The following TRMT9B variants were observed in gnomAD, a reference collection of about 807,000 sequenced individuals.
TRMT9B encodes probable tRNA methyltransferase 9B.
In TRMT9B, 16 loss-of-function variants were observed where a neutral mutation model predicts 11.5. That is an observed-to-expected ratio of 1.39 (90% CI 0.94 to 2.11). TRMT9B has a LOEUF of 2.11. Ranked by LOEUF, TRMT9B falls within the 30% of genes most tolerant of loss-of-function variation. The pLI, the probability that TRMT9B is intolerant of heterozygous loss-of-function variation, is 0.00. For synonymous variants in TRMT9B, 274 were observed against 192.4 expected, an observed-to-expected ratio of 1.42 and a Z score of -3.51; for missense variants, 941 against 553.8, an observed-to-expected ratio of 1.70 and a Z score of -7.02.
chr8:12,959,879 G>A (rs1276408416), intron 1 of TRMT9B: 2 of 152,066 alleles, frequency 1.3e-5, no homozygotes, highest in Non-Finnish European at 2.9e-5. Flanking sequence ...CTCTTGATTT[G>A]GAAGCTGAGA....
intron 1 of TRMT9B, among the ~76,000 whole-genome samples, chr8:12,947,361 C>G (rs1321882284): frequency 2.0e-5 from 3 of 152,296 alleles, no homozygotes; most frequent in Non-Finnish European, 4.4e-5. Context: ...TCATGCTAAA[C>G]TAGCTAAAAC....
chr8:12,978,769 C>T (rs1804868724), intron 1 of TRMT9B, among the ~76,000 whole-genome samples: 1 of 152,224 alleles, frequency 6.6e-6, no homozygotes, highest in African/African-American at 2.4e-5. Flanking sequence ...TTTGATTTGA[C>T]AGATGAGCAA....
intron 2 of TRMT9B, among the ~76,000 whole-genome samples, chr8:12,996,608 A>G (rs1053862755): frequency 6.6e-6 from 1 of 152,338 alleles, no homozygotes; most frequent in Middle Eastern, 3.4e-3. Context: ...TGGGAATGGC[A>G]GAACACAGAT....
At chr8:12,990,808 T>G (rs948561555) in intron 1 of TRMT9B, 26 bp from the exon 2 acceptor site, 1 of 1,273,742 alleles carries the variant, frequency 7.9e-7, no homozygotes. Context: ...TGAAATGACA[T>G]TTAGTATTTG....
intron 2 of TRMT9B, among the ~76,000 whole-genome samples, chr8:12,993,655 T>G (rs1382642276): frequency 5.9e-5 from 9 of 152,198 alleles, no homozygotes; most frequent in Non-Finnish European, 1.5e-5. Context: ...TAGGCTGGCA[T>G]TCCAATAGCA....
intron 1 of TRMT9B, among the ~76,000 whole-genome samples, chr8:12,972,354 G>T (rs1025449453): frequency 6.6e-6 from 1 of 152,330 alleles, no homozygotes. Context: ...TCCCTGAGGA[G>T]TTGGGAGGCA....
intron 4 of TRMT9B, among the ~76,000 whole-genome samples, chr8:13,018,583 T>A (rs1813241196): frequency 6.6e-6 from 1 of 152,140 alleles, no homozygotes; most frequent in South Asian, 2.1e-4. Flanking sequence ...TCATGTTCTA[T>A]AAAGTCTCTG....
chr8:12,984,991 T>A (rs201417746), intron 1 of TRMT9B, among the ~76,000 whole-genome samples: 9 of 133,672 alleles, frequency 6.7e-5, no homozygotes, highest in South Asian at 5.2e-4. Context: ...ACACACACTC[T>A]CTCTCTCACA....
At chr8:13,007,604 T>G (rs1402719052) in intron 3 of TRMT9B, 1 of 152,176 alleles carries the variant, frequency 6.6e-6, no homozygotes, top group Non-Finnish European at 1.5e-5. Flanking sequence ...ACATGGAAAT[T>G]GGGAGTCTTT....
chr8:13,006,345 TCGCTGACATAGGTAACCAGGCAGCCTC>T lies in TRMT9B; in HGVS notation c.144_154+16del. ...CAAGAGCAGAAGCCAGGCAGCCTCATCGCTGACATAGGTAACCAGGCAGCCTCATCGCTGACATAGGTAACCAGGCAG... is the reference window on the plus strand; with the variant it reads ...CAAGAGCAGAAGCCAGGCAGCCTCATATCGCTGACATAGGTAACCAGGCAG... On this transcript the variant is annotated splice_donor_variant and splice_donor_5th_base_variant and coding_sequence_variant and intron_variant, in exon 3 of 5. Coordinates refer to ENST00000524591, the MANE Select transcript of TRMT9B (RefSeq NM_020844.3). LOFTEE classifies it high-confidence loss of function. The T allele has an allele frequency of 2.5e-6, 4 of 1,599,138 alleles. No individual in the cohort carries two copies. Among genetic ancestry groups the T allele is most frequent in the Middle Eastern group, 2.0e-4 (1 of 5,086 alleles).
At chr8:13,006,754 C>T (rs761983555) in intron 3 of TRMT9B, 18 of 805,848 alleles carry the variant, frequency 2.2e-5, no homozygotes, top group Admixed American at 1.3e-4. Context: ...CTGCAAACTC[C>T]GCCTCCCAGG....
intron 4 of TRMT9B, among the ~76,000 whole-genome samples, chr8:13,017,580 A>G (rs527734632): frequency 6.6e-6 from 1 of 150,844 alleles, no homozygotes; most frequent in Non-Finnish European, 1.5e-5. Flanking sequence ...CATGTCTAAT[A>G]CATTTAATAT....
rs1006177273 is a variant in TRMT9B at position 12,990,214 on chromosome 8, A to C, written c.-199-620A>C. Reference sequence around the variant, plus strand: ...CCATTCACCCCACTTGCAGACAAGCAATTAGGGTCCAAGGTGTTATAGGAT... The same window carrying C: ...CCATTCACCCCACTTGCAGACAAGCCATTAGGGTCCAAGGTGTTATAGGAT... On this transcript the variant is annotated intron_variant, in intron 1 of 4. Transcript: ENST00000524591. Among the ~76,000 whole-genome samples the C allele has an allele frequency of 8.5e-5, 13 of 152,208 alleles. No individual in the cohort carries two copies. The East Asian group carries it at 2.3e-3, about 27-fold the overall frequency.
intron 1 of TRMT9B, among the ~76,000 whole-genome samples, chr8:12,970,551 C>T (rs371395776): frequency 5.9e-5 from 9 of 152,208 alleles, no homozygotes; most frequent in African/African-American, 1.9e-4. Context: ...AGATTTACAT[C>T]AGTGAAAGAG....
rs143347601 is a variant in TRMT9B at position 12,992,281 on chromosome 8, A to G, written c.-2+1250A>G. ...TCCAAAAACTTATAATCTATTTGGG[A>G]ACATATACAGAGTTGAGAGTTCATG... On this transcript the variant is annotated intron_variant, in intron 2 of 4. Coordinates refer to ENST00000524591, the MANE Select transcript of TRMT9B (RefSeq NM_020844.3). 7.7e-4 allele frequency among the ~76,000 whole-genome samples: 118 copies of G among 152,300 alleles called. 2 individuals carry two copies. The highest frequency in any genetic ancestry group is 2.6e-3 in the African/African-American group (109 of 41,574).
chr8:13,000,748 C>T (rs750616878), intron 2 of TRMT9B, among the ~76,000 whole-genome samples: 18 of 152,058 alleles, frequency 1.2e-4, no homozygotes, highest in African/African-American at 3.9e-4. Context: ...CATCCTTGCA[C>T]GCTAGTTATT....
intron 1 of TRMT9B, among the ~76,000 whole-genome samples, chr8:12,957,730 G>A (rs73204876): frequency 0.02 from 3,086 of 152,248 alleles, 52 homozygotes; most frequent in Non-Finnish European, 0.031. Context: ...TAGCTTGATT[G>A]CATTAACTGC....
intron 1 of TRMT9B, among the ~76,000 whole-genome samples, chr8:12,985,597 G>GACC (rs1417294953): frequency 2.6e-5 from 4 of 152,104 alleles, no homozygotes; most frequent in Non-Finnish European, 4.4e-5. Context: ...AGACAGTACG[G>GACC]ACCACCCATC....
In TRMT9B at chr8:13,012,180, C is replaced by A. The variant is rs570442115; in HGVS notation, c.155-504C>A. On this transcript the variant is annotated intron_variant, in intron 3 of 4. Transcript: ENST00000524591. ...ATGTTATTTTTTTCCTATTGCCTTT[C>A]TCTCTTCTATATGAGAATCTGTAAG... 32 of 985,278 alleles carry A rather than the reference C, an allele frequency of 3.2e-5. No individual in the cohort carries two copies. In the East Asian group the frequency reaches 3.5e-3, roughly 108 times the overall value. The allele number at this position is 985,278 out of a possible 1,614,324, so 61.0% of individuals were successfully genotyped here.
Sources: allele counts gnomAD v4.1 joint callset (sites outside exome capture counted in the v4.1 genomes callset), GRCh38; gene constraint gnomAD v4.1.1; transcripts MANE v1.5; gene names NCBI Gene and HGNC (gene_info 2026-07-23, HGNC 2026-07-21).